Variants in GRIA2 observed in about 807,000 individuals in gnomAD.
GRIA2 encodes the protein glutamate receptor 2.
GRIA2 carries 14 observed loss-of-function variants against 97.3 expected under a neutral mutation model. The observed-to-expected ratio is 0.14, with a 90% CI of 0.10 to 0.23. The LOEUF (loss-of-function observed/expected upper bound fraction) is 0.23, where lower values mean the gene tolerates loss of function less well. Among genes scored for constraint, GRIA2 ranks in the 10% least tolerant of loss-of-function variants. The pLI is 1.00. For missense variants in GRIA2, 558 were observed against 1,069.8 expected (o/e 0.52, Z 6.67); for synonymous variants, 412 against 387.8 (o/e 1.06, Z -0.73).
At chr4:157,220,298 G>T (rs982423104), upstream of GRIA2, 6 of 152,232 alleles carry the variant, frequency 3.9e-5, no homozygotes, top group African/African-American at 1.4e-4. Context: ...CACAGCAGCC[G>T]GAGATCAGCT....
chr4:157,305,305 C>G (rs966300369), intron 3 of GRIA2, among the ~76,000 whole-genome samples: 2 of 152,040 alleles, frequency 1.3e-5, no homozygotes, highest in African/African-American at 4.8e-5. Flanking sequence ...GACACTCATC[C>G]TTGTCGTTGC....
At chr4:157,358,118 A>C (rs1404147865) in intron 12 of GRIA2, among the ~76,000 whole-genome samples, 1 of 152,148 alleles carries the variant, frequency 6.6e-6, no homozygotes, top group Non-Finnish European at 1.5e-5. Flanking sequence ...CATTACAAAA[A>C]AACTTTGAGG....
intron 9 of GRIA2, 82 bp from the exon 10 acceptor site, chr4:157,335,585 ATAAT>A: frequency 1.3e-6 from 1 of 797,522 alleles, no homozygotes; most frequent in South Asian, 1.5e-5. Context: ...CTAATGGGTA[ATAAT>A]TAAACCAGAA....
rs70958818 is a variant in GRIA2, at chr4:157,338,008, GTATATATATATA to G, written c.1844+1292_1844+1303del. Among the ~76,000 whole-genome samples the G allele has an allele frequency of 8.2e-3, 653 of 79,334 alleles. 8 individuals carry two copies. The highest frequency in any genetic ancestry group is 0.073 in the Middle Eastern group (9 of 124). The allele number at this position is 79,334 out of a possible 152,430, so 52.0% of individuals were successfully genotyped here. Reference sequence around the variant, plus strand: ...ATGACATATGTGTGTATATATATGTGTATATATATATATATATATATATATATATATATATAT... The same window carrying G: ...ATGACATATGTGTGTATATATATGTGTATATATATATATATATATATATAT... On this transcript the variant is annotated intron_variant, in intron 11 of 15. Coordinates refer to ENST00000264426, the MANE Select transcript of GRIA2 (RefSeq NM_001083619.3).
At chr4:157,315,203 G>A (rs1734257230) in intron 4 of GRIA2, among the ~76,000 whole-genome samples, 1 of 152,130 alleles carries the variant, frequency 6.6e-6, no homozygotes, top group East Asian at 1.9e-4. Flanking sequence ...GCCACCATCA[G>A]TGCAACTATT....
At chr4:157,360,717 C>A in intron 13 of GRIA2, 1 of 503,368 alleles carries the variant, frequency 2.0e-6, no homozygotes, top group African/African-American at 1.9e-5. Flanking sequence ...AGTGGAGTCA[C>A]ATTCAAGACA....
chr4:157,348,800 GA>G (rs529372316), intron 12 of GRIA2, among the ~76,000 whole-genome samples: 83 of 152,150 alleles, frequency 5.5e-4, no homozygotes, highest in African/African-American at 2.0e-3. Flanking sequence ...AGGCTTATAT[GA>G]ATATTTGCTT....
chr4:157,224,963 C>A (rs1351861954), intron 2 of GRIA2, among the ~76,000 whole-genome samples: 1 of 152,036 alleles, frequency 6.6e-6, no homozygotes, highest in Non-Finnish European at 1.5e-5. Context: ...AAAAATCCCA[C>A]AGAGCTAAAT....
intron 6 of GRIA2, among the ~76,000 whole-genome samples, chr4:157,330,548 C>T (rs915181617): frequency 2.0e-5 from 3 of 151,700 alleles, no homozygotes; most frequent in African/African-American, 7.3e-5. Context: ...TTCATTCTCC[C>T]CTTTTTTGGT....
chr4:157,284,124 A>C (rs1421303153), intron 2 of GRIA2, among the ~76,000 whole-genome samples: 1 of 151,918 alleles, frequency 6.6e-6, no homozygotes, highest in Non-Finnish European at 1.5e-5. Context: ...GTGACCCAGA[A>C]GAAACTTAAT....
chr4:157,228,219 G>A (rs1729835409), intron 2 of GRIA2, among the ~76,000 whole-genome samples: 1 of 152,128 alleles, frequency 6.6e-6, no homozygotes, highest in African/African-American at 2.4e-5. Flanking sequence ...TAATTTTACA[G>A]TAGATGTTCT....
chr4:157,295,639 G>C (rs1242787733), intron 2 of GRIA2, among the ~76,000 whole-genome samples: 1 of 152,026 alleles, frequency 6.6e-6, no homozygotes, highest in Non-Finnish European at 1.5e-5. Context: ...TCCATAGATA[G>C]GAAAAGAATT....
intron 9 of GRIA2, 129 bp downstream of exon 9, chr4:157,334,249 C>A (rs1246989841): frequency 1.6e-6 from 1 of 611,706 alleles, no homozygotes; most frequent in Non-Finnish European, 2.9e-6. Context: ...TCATTTATTT[C>A]ATATTTACTC....
At chr4:157,238,267 T>C (rs549680387) in intron 2 of GRIA2, among the ~76,000 whole-genome samples, 7 of 152,262 alleles carry the variant, frequency 4.6e-5, no homozygotes, top group Admixed American at 4.6e-4. Context: ...AAACTGTGTA[T>C]TTTTGGCCAA....
At position 157,364,420 on chromosome 4, in the gene GRIA2, GT is replaced by G. The variant is rs1736786527; in HGVS notation, c.*990del. On this transcript the variant is annotated 3_prime_UTR_variant, in exon 16 of 16. Coordinates refer to ENST00000264426, the MANE Select transcript of GRIA2 (RefSeq NM_001083619.3). ...AAAAAGGCCAGGTGATTTTTCAAAT[GT>G]AATCTTGCCCCCAAAGTAATATCTG... 6.6e-6 allele frequency: 1 copy of G among 151,894 alleles called. No homozygotes were observed. 9.4% of individuals were successfully genotyped at this position (151,894 alleles called of 1,614,324 possible).
chr4:157,225,802 A>T, intron 2 of GRIA2, among the ~76,000 whole-genome samples: 1 of 151,998 alleles, frequency 6.6e-6, no homozygotes, highest in East Asian at 1.9e-4. Flanking sequence ...GCAACTAAAA[A>T]AATCTGCCTT....
At chr4:157,360,602 G>C in intron 13 of GRIA2, 4 of 431,878 alleles carry the variant, frequency 9.3e-6, no homozygotes, top group South Asian at 5.2e-5. Context: ...TTGTTTAAGG[G>C]ATATACTTTG....
At chr4:157,285,978 C>A (rs550938328) in intron 2 of GRIA2, among the ~76,000 whole-genome samples, 3 of 151,432 alleles carry the variant, frequency 2.0e-5, no homozygotes, top group African/African-American at 7.2e-5. Flanking sequence ...AGGATTTAAA[C>A]CTATGTCCAA....
At chr4:157,355,226 T>C (rs1736192944) in intron 12 of GRIA2, among the ~76,000 whole-genome samples, 1 of 152,116 alleles carries the variant, frequency 6.6e-6, no homozygotes, top group Admixed American at 6.6e-5. Context: ...AACATGTAAC[T>C]TCAAAATACA....
Sources: gnomAD v4.1 joint callset for allele counts (sites outside exome capture counted in the v4.1 genomes callset) on GRCh38, gnomAD v4.1.1 for gene constraint, MANE v1.5 for transcripts, NCBI Gene and HGNC (gene_info 2026-07-23, HGNC 2026-07-21) for gene names.